Variants in LHFPL2 observed in about 807,000 individuals in gnomAD.
The protein encoded by LHFPL2 is LHFPL tetraspan subfamily member 2, also known as LHFPL tetraspan subfamily member 2 protein.
A neutral mutation model predicts 17.5 loss-of-function variants in LHFPL2; 7 were observed. The ratio of observed to expected loss-of-function variants is 0.40; its 90% CI spans 0.23 to 0.75. The LOEUF (loss-of-function observed/expected upper bound fraction) is 0.75. Among genes scored for constraint, LHFPL2 ranks in the 30% least tolerant of loss-of-function variants. The pLI is 0.37. For missense variants in LHFPL2, 241 were observed against 294.8 expected (o/e 0.82, Z 1.34); for synonymous variants, 134 against 116.2 (o/e 1.15, Z -0.99).
At position 78,509,926 on chromosome 5, in the gene LHFPL2, G is replaced by A; in HGVS notation, c.288C>T (p.Phe96=). The A allele has an allele frequency of 6.2e-7, 1 of 1,613,718 alleles. No homozygotes were observed. The highest frequency in any genetic ancestry group is 1.3e-5 in the African/African-American group (1 of 75,084). Residue 96 remains phenylalanine (F), a synonymous_variant, in exon 4 of 5, where the codon TTC becomes TTT. Transcript: ENST00000380345. ...CCAGGAAAATAGCTGTGGCCTGCCA[G>A]AAGCCGCTGGCGATCTCGCCGAAGC... ...AESFGEIASG[F]WQATAIFLAV...
chr5:78,564,023 T>A (rs1422176357), intron 3 of LHFPL2, among the ~76,000 whole-genome samples: 1 of 152,132 alleles, frequency 6.6e-6, no homozygotes, highest in Non-Finnish European at 1.5e-5. Flanking sequence ...TCTGTGAAAA[T>A]GCTGTGTGCA....
At chr5:78,519,185 C>T (rs1755376468) in intron 3 of LHFPL2, among the ~76,000 whole-genome samples, 1 of 151,822 alleles carries the variant, frequency 6.6e-6, no homozygotes, top group South Asian at 2.1e-4. Context: ...GCAAGAGAGC[C>T]TGGGGGAATC....
intron 4 of LHFPL2, 37 bp downstream of exon 4, chr5:78,509,747 C>T (rs1755045883): frequency 1.3e-6 from 2 of 1,584,978 alleles, no homozygotes; most frequent in African/African-American, 1.3e-5. Context: ...GCTCTCCATC[C>T]CTCCATCCCA....
chr5:78,523,044 T>C (rs918814757), intron 3 of LHFPL2, among the ~76,000 whole-genome samples: 1 of 152,124 alleles, frequency 6.6e-6, no homozygotes, highest in Non-Finnish European at 1.5e-5. Context: ...CTGACACTGC[T>C]TATGTTCTCA....
At chr5:78,565,542 A>G (rs1162341493) in intron 2 of LHFPL2, among the ~76,000 whole-genome samples, 1 of 152,234 alleles carries the variant, frequency 6.6e-6, no homozygotes, top group Non-Finnish European at 1.5e-5. Context: ...GAATCCTCAA[A>G]TATCTCTTCA....
rs183390909 is a variant in LHFPL2 at position 78,543,077 on chromosome 5, C to T, written c.-186+21736G>A. On this transcript the variant is annotated intron_variant, in intron 3 of 4. Coordinates refer to ENST00000380345, the MANE Select transcript of LHFPL2 (RefSeq NM_005779.3). ...TGTTAAAGGAATAGGCAGCATGGTGCAGGCCAGGCAGAGAACCTACCTGCA... is the reference window on the plus strand; with the variant it reads ...TGTTAAAGGAATAGGCAGCATGGTGTAGGCCAGGCAGAGAACCTACCTGCA... 4.0e-4 allele frequency among the ~76,000 whole-genome samples: 61 copies of T among 152,272 alleles called. 1 individual carries two copies. Among genetic ancestry groups the T allele is most frequent in the African/African-American group, 1.4e-3 (58 of 41,554 alleles).
At chr5:78,581,872 T>C (rs1743157849) in intron 2 of LHFPL2, among the ~76,000 whole-genome samples, 1 of 152,208 alleles carries the variant, frequency 6.6e-6, no homozygotes, top group Non-Finnish European at 1.5e-5. Context: ...GTGGTACCAG[T>C]TCCTCCTTGT....
intron 4 of LHFPL2, among the ~76,000 whole-genome samples, chr5:78,509,394 C>T (rs1320025127): frequency 4.6e-5 from 7 of 152,326 alleles, no homozygotes; most frequent in Admixed American, 4.6e-4. Flanking sequence ...GCATAAAGTG[C>T]TTGCTGCAGG....
chr5:78,553,627 AATAG>A (rs1756501979), intron 3 of LHFPL2, among the ~76,000 whole-genome samples: 1 of 152,190 alleles, frequency 6.6e-6, no homozygotes, highest in Non-Finnish European at 1.5e-5. Flanking sequence ...ATAAAATAGG[AATAG>A]AAAACACACA....
intron 2 of LHFPL2, among the ~76,000 whole-genome samples, chr5:78,608,497 C>T (rs936988076): frequency 1.3e-5 from 2 of 151,348 alleles, no homozygotes; most frequent in Non-Finnish European, 2.9e-5. Flanking sequence ...TGGGGAAATA[C>T]AATCAGGCTA....
chr5:78,528,759 C>G (rs930042829), intron 3 of LHFPL2, among the ~76,000 whole-genome samples: 6 of 152,170 alleles, frequency 3.9e-5, no homozygotes, highest in Admixed American at 1.3e-4. Flanking sequence ...TTATGTTTCA[C>G]AAATAGGAAA....
At chr5:78,552,722 A>G (rs1271430790) in intron 3 of LHFPL2, among the ~76,000 whole-genome samples, 1 of 152,264 alleles carries the variant, frequency 6.6e-6, no homozygotes, top group East Asian at 1.9e-4. Context: ...AAATCTAGCT[A>G]GATGCAGGGG....
At chr5:78,560,869 T>TC (rs1423211361) in intron 3 of LHFPL2, among the ~76,000 whole-genome samples, 1 of 152,198 alleles carries the variant, frequency 6.6e-6, no homozygotes, top group East Asian at 1.9e-4. Context: ...TTAGAAACTA[T>TC]CCAATTTTAT....
intron 3 of LHFPL2, among the ~76,000 whole-genome samples, chr5:78,538,383 G>T (rs994722660): frequency 6.6e-6 from 1 of 152,114 alleles, no homozygotes; most frequent in African/African-American, 2.4e-5. Context: ...GAGAATAAAT[G>T]TAAAATTGCC....
intron 3 of LHFPL2, among the ~76,000 whole-genome samples, chr5:78,542,563 C>T (rs111973251): frequency 2.6e-4 from 39 of 152,286 alleles, no homozygotes; most frequent in African/African-American, 9.1e-4. Flanking sequence ...CCCACCTCCA[C>T]GCCGTGCTCA....
At chr5:78,599,081 C>G (rs988369393) in intron 2 of LHFPL2, among the ~76,000 whole-genome samples, 1 of 152,174 alleles carries the variant, frequency 6.6e-6, no homozygotes, top group African/African-American at 2.4e-5. Context: ...ACTTGTTGGT[C>G]TGCCTATGTC....
chr5:78,631,747 C>T (rs1411339454), intron 2 of LHFPL2, among the ~76,000 whole-genome samples: 1 of 152,100 alleles, frequency 6.6e-6, no homozygotes, highest in South Asian at 2.1e-4. Flanking sequence ...ACCAGCTTGG[C>T]CAATATGGCG....
intron 3 of LHFPL2, among the ~76,000 whole-genome samples, chr5:78,516,881 A>G (rs756130541): frequency 2.0e-5 from 3 of 152,124 alleles, no homozygotes; most frequent in Non-Finnish European, 4.4e-5. Context: ...TTCTGTTTTC[A>G]TAAATCTCTA....
chr5:78,533,290 G>A (rs543005017), intron 3 of LHFPL2, among the ~76,000 whole-genome samples: 82 of 152,298 alleles, frequency 5.4e-4, no homozygotes, highest in African/African-American at 8.2e-4. Flanking sequence ...AGCCTTCACC[G>A]TAAGATGTTT....
Sources: allele counts gnomAD v4.1 joint callset (sites outside exome capture counted in the v4.1 genomes callset), GRCh38; gene constraint gnomAD v4.1.1; transcripts MANE v1.5; gene names NCBI Gene and HGNC (gene_info 2026-07-23, HGNC 2026-07-21).